Variants in NEGR1 observed in about 807,000 individuals in gnomAD.
The protein encoded by NEGR1 is neuronal growth regulator 1.
In NEGR1, 10 loss-of-function variants were observed where a neutral mutation model predicts 40.9. The ratio of observed to expected loss-of-function variants is 0.24; its 90% CI spans 0.15 to 0.42. The LOEUF (loss-of-function observed/expected upper bound fraction) is 0.42. Among genes scored for constraint, NEGR1 ranks in the 10% least tolerant of loss-of-function variants. NEGR1 has a pLI of 1.00. For synonymous variants in NEGR1, 185 were observed against 166.8 expected (o/e 1.11, Z -0.84); for missense variants, 352 against 438.9 (o/e 0.80, Z 1.77).
intron 1 of NEGR1, among the ~76,000 whole-genome samples, chr1:72,253,485 T>C (rs1282945405): frequency 2.0e-5 from 3 of 151,898 alleles, no homozygotes; most frequent in African/African-American, 7.3e-5. Flanking sequence ...TATATTATTA[T>C]TTCTGCTATA....
rs151292578 is a variant in NEGR1, at chr1:71,639,055, C to T, written c.668-27909G>A. ...CCTATATCCCAAATTCATATACTCA[C>T]ATGAGAGCTGCAACCATTGTGTCAA... On this transcript the variant is annotated intron_variant, in intron 4 of 6. Coordinates refer to ENST00000357731, the MANE Select transcript of NEGR1 (RefSeq NM_173808.3). Among the ~76,000 whole-genome samples the T allele has an allele frequency of 1.9e-4, 29 of 152,068 alleles. No homozygotes were observed. The East Asian group carries it at 4.9e-3, about 26-fold the overall frequency.
chr1:71,743,721 TG>T (rs1343329342), intron 3 of NEGR1, among the ~76,000 whole-genome samples: 1 of 152,186 alleles, frequency 6.6e-6, no homozygotes, highest in African/African-American at 2.4e-5. Flanking sequence ...AAGATCAGCC[TG>T]CAATTGCAGA....
chr1:72,277,169 A>G (rs115304318), intron 1 of NEGR1, among the ~76,000 whole-genome samples: 2,143 of 152,260 alleles, frequency 0.014, 52 homozygotes, highest in African/African-American at 0.049. Context: ...GCCTGAAGAT[A>G]CTTGGCAAGG....
intron 2 of NEGR1, among the ~76,000 whole-genome samples, chr1:71,778,581 C>T (rs907512397): frequency 6.6e-6 from 1 of 152,098 alleles, no homozygotes; most frequent in Non-Finnish European, 1.5e-5. Flanking sequence ...CAGTGCATAG[C>T]AGTGCCCACT....
intron 3 of NEGR1, among the ~76,000 whole-genome samples, chr1:71,718,087 T>C (rs755800170): frequency 6.6e-6 from 1 of 152,212 alleles, no homozygotes; most frequent in Admixed American, 6.5e-5. Context: ...AAATGTCATA[T>C]GAAAAAATTT....
chr1:71,538,950 A>G (rs543226347), intron 6 of NEGR1, among the ~76,000 whole-genome samples: 1 of 151,880 alleles, frequency 6.6e-6, no homozygotes, highest in South Asian at 2.1e-4. Flanking sequence ...CTAATAGGTT[A>G]TAATAGTTGG....
chr1:71,630,563 T>C (rs1188157886), intron 4 of NEGR1, among the ~76,000 whole-genome samples: 3 of 151,950 alleles, frequency 2.0e-5, no homozygotes, highest in Admixed American at 6.6e-5. Context: ...TGGTCCATTA[T>C]GGTTTTATGT....
At chr1:71,983,027 C>A (rs190573762) in intron 1 of NEGR1, among the ~76,000 whole-genome samples, 1 of 152,118 alleles carries the variant, frequency 6.6e-6, no homozygotes, top group Admixed American at 6.6e-5. Flanking sequence ...AAAACTGCTG[C>A]ACATGCTACC....
At chr1:72,044,771 G>T (rs1039040497) in intron 1 of NEGR1, among the ~76,000 whole-genome samples, 1 of 151,726 alleles carries the variant, frequency 6.6e-6, no homozygotes, top group African/African-American at 2.4e-5. Context: ...GCATTGTTTG[G>T]TGGCAAAGGA....
chr1:71,899,008 ATATATATG>A (rs1232248098), intron 2 of NEGR1, among the ~76,000 whole-genome samples: 7 of 122,024 alleles, frequency 5.7e-5, no homozygotes, highest in African/African-American at 2.1e-4. Context: ...ATATATATAT[ATATATATG>A]GCAACTAATG....
chr1:72,200,852 G>C (rs936164888), intron 1 of NEGR1, among the ~76,000 whole-genome samples: 1 of 151,858 alleles, frequency 6.6e-6, no homozygotes, highest in African/African-American at 2.4e-5. Context: ...TGTTCAGAAA[G>C]AGTGTATTTT....
chr1:72,194,428 C>T (rs901149849), intron 1 of NEGR1, among the ~76,000 whole-genome samples: 5 of 151,924 alleles, frequency 3.3e-5, no homozygotes, highest in African/African-American at 1.2e-4. Context: ...AGGAAGTAAC[C>T]GCTGTTAGAG....
At chr1:72,115,767 G>C (rs1569989912) in intron 1 of NEGR1, among the ~76,000 whole-genome samples, 1 of 151,686 alleles carries the variant, frequency 6.6e-6, no homozygotes, top group Non-Finnish European at 1.5e-5. Context: ...CCCATTAAAG[G>C]GAAGGGAATT....
chr1:72,100,894 T>A (rs1271070497), intron 1 of NEGR1: 2 of 152,314 alleles, frequency 1.3e-5, no homozygotes, highest in Non-Finnish European at 2.9e-5. Context: ...ATTCCTGGCT[T>A]GCAGATGGCT....
intron 4 of NEGR1, among the ~76,000 whole-genome samples, chr1:71,622,640 A>G (rs1404622396): frequency 1.3e-5 from 2 of 151,916 alleles, no homozygotes; most frequent in Admixed American, 6.6e-5. Flanking sequence ...ATGGTATGCC[A>G]TCAAAGACTC....
At chr1:72,162,469 CAAACAAACAAACAAAAGAA>C (rs1223255683) in intron 1 of NEGR1, among the ~76,000 whole-genome samples, 2 of 151,760 alleles carry the variant, frequency 1.3e-5, no homozygotes. Context: ...AACAAACAAA[CAAACAAACAAACAAAAGAA>C]AAACAAACAA....
intron 4 of NEGR1, among the ~76,000 whole-genome samples, chr1:71,630,254 C>T (rs1196488163): frequency 1.3e-5 from 2 of 151,864 alleles, no homozygotes; most frequent in Non-Finnish European, 2.9e-5. Context: ...TAGAAAGTTA[C>T]TCTGTGTGTA....
chr1:71,656,412 G>T (rs2422013), intron 4 of NEGR1, among the ~76,000 whole-genome samples: 72,052 of 151,438 alleles, frequency 0.48, 17,194 homozygotes, highest in Middle Eastern at 0.54. Context: ...TTTGTTTTTT[G>T]TTGTTGTTGT....
chr1:71,765,412 A>AT (rs917205459), intron 3 of NEGR1, among the ~76,000 whole-genome samples: 25 of 152,120 alleles, frequency 1.6e-4, no homozygotes, highest in East Asian at 5.8e-4. Context: ...CAAAGCAAGG[A>AT]TTTTTTTTAA....
Sources: allele counts gnomAD v4.1 joint callset (sites outside exome capture counted in the v4.1 genomes callset), GRCh38; gene constraint gnomAD v4.1.1; transcripts MANE v1.5; gene names NCBI Gene and HGNC (gene_info 2026-07-23, HGNC 2026-07-21).